PKHD1L1: variants seen among roughly 807,000 people sequenced by gnomAD.
PKHD1L1 encodes the protein fibrocystin-L.
PKHD1L1 carries 434 observed loss-of-function variants against 462.9 expected under a neutral mutation model. The ratio of observed to expected loss-of-function variants is 0.94; its 90% CI spans 0.87 to 1.02. The LOEUF is 1.02. Among genes scored for constraint, PKHD1L1 ranks in the 50% least tolerant of loss-of-function variants. PKHD1L1 has a pLI of 0.00. For missense variants in PKHD1L1, 5,202 were observed against 5,096.1 expected (o/e 1.02, Z -0.63); for synonymous variants, 1,781 against 1,750.0 (o/e 1.02, Z -0.44).
At chr8:109,469,157 G>C (rs976735220) in intron 50 of PKHD1L1, among the ~76,000 whole-genome samples, 1 of 152,002 alleles carries the variant, frequency 6.6e-6, no homozygotes, top group Non-Finnish European at 1.5e-5. Flanking sequence ...TTTAGATTCC[G>C]TTATTCTTAC....
intron 70 of PKHD1L1, among the ~76,000 whole-genome samples, chr8:109,509,722 G>T (rs932814833): frequency 6.6e-6 from 1 of 151,784 alleles, no homozygotes; most frequent in African/African-American, 2.4e-5. Flanking sequence ...AACCCACAAA[G>T]AAAGTATATT....
Position 109,535,336 on chromosome 8 carries a change from A to G in PKHD1L1, c.*5246A>G, listed in dbSNP as rs1416737867. The stretch of plus-strand genomic sequence containing the variant: ...ATGATCCTTTATATATGTAAACGCT[A>G]TAAATTCTTAGGAAGAAAATAAATT... On this transcript the variant is annotated 3_prime_UTR_variant, in exon 78 of 78. Coordinates refer to ENST00000378402, the MANE Select transcript of PKHD1L1 (RefSeq NM_177531.6). 2.0e-5 allele frequency among the ~76,000 whole-genome samples: 3 copies of G among 152,344 alleles called. No individual in the cohort carries two copies. Among genetic ancestry groups the G allele is most frequent in the Non-Finnish European group, 2.9e-5 (2 of 68,032 alleles).
intron 1 of PKHD1L1, 63 bp downstream of exon 1, chr8:109,362,716 C>T: frequency 1.3e-6 from 2 of 1,516,278 alleles, no homozygotes; most frequent in Non-Finnish European, 9.0e-7. Flanking sequence ...TACCCCTGCT[C>T]CCGGGGTCCT....
intron 71 of PKHD1L1, among the ~76,000 whole-genome samples, chr8:109,511,358 C>T (rs1278029360): frequency 8.7e-6 from 1 of 114,632 alleles, no homozygotes; most frequent in South Asian, 3.7e-4. Context: ...CCCCACCCCA[C>T]AACAGTCCCC....
Position 109,536,840 on chromosome 8 carries a change from T to C in PKHD1L1, c.*6750T>C, listed in dbSNP as rs897014370. On this transcript the variant is annotated 3_prime_UTR_variant, in exon 78 of 78. Coordinates refer to ENST00000378402, the MANE Select transcript of PKHD1L1 (RefSeq NM_177531.6). ...AGGAAAAATTTATTTAAATGCTTCA[T>C]AGAAAGTTAATTTTCATTTAATAGA... Among the ~76,000 whole-genome samples, 7 of 152,224 alleles carry C rather than the reference T, an allele frequency of 4.6e-5. No homozygotes were observed. The highest frequency in any genetic ancestry group is 4.6e-4 in the Admixed American group (7 of 15,284).
chr8:109,520,887 T>C (rs1158810009), intron 73 of PKHD1L1, among the ~76,000 whole-genome samples: 3 of 152,160 alleles, frequency 2.0e-5, no homozygotes, highest in Non-Finnish European at 2.9e-5. Context: ...CGAGAACCTG[T>C]TAACAGTGCA....
intron 72 of PKHD1L1, among the ~76,000 whole-genome samples, 172 bp downstream of exon 72, chr8:109,515,477 C>A (rs747648428): frequency 6.6e-6 from 1 of 152,110 alleles, no homozygotes; most frequent in Non-Finnish European, 1.5e-5. Flanking sequence ...ACATGAGTGT[C>A]TTGAAAGATC....
intron 51 of PKHD1L1, among the ~76,000 whole-genome samples, chr8:109,475,928 A>C (rs1301162485): frequency 6.6e-6 from 1 of 151,688 alleles, no homozygotes; most frequent in Non-Finnish European, 1.5e-5. Flanking sequence ...TTATAAAAAA[A>C]GTAAAATATG....
rs1821148840 is a variant in PKHD1L1 at position 109,536,478 on chromosome 8, A to G, written c.*6388A>G. Reference sequence around the variant, plus strand: ...ATGTTGGTTGTATGAATTTCAATACATTTACTGTTAGAAATAACAAAAGGT... The same window carrying G: ...ATGTTGGTTGTATGAATTTCAATACGTTTACTGTTAGAAATAACAAAAGGT... On this transcript the variant is annotated 3_prime_UTR_variant, in exon 78 of 78. Transcript: ENST00000378402. 1.3e-5 allele frequency among the ~76,000 whole-genome samples: 2 copies of G among 152,210 alleles called. No individual in the cohort carries two copies. The highest frequency in any genetic ancestry group is 6.5e-5 in the Admixed American group (1 of 15,280).
chr8:109,413,585 G>T, intron 21 of PKHD1L1, 40 bp downstream of exon 21: 2 of 1,417,186 alleles, frequency 1.4e-6, no homozygotes, highest in South Asian at 1.7e-5. Context: ...ATTATACCAT[G>T]GTATATAAAC....
rs763045526 is a variant in PKHD1L1, at chr8:109,400,114, C to T, written c.1051C>T (p.Arg351Cys). The T allele has an allele frequency of 2.3e-5, 37 of 1,613,128 alleles. No homozygotes were observed. The East Asian group carries it at 3.6e-4, about 16-fold the overall frequency. ...GLKLEVWNNS[R>C]PIRLEEILEY... ...GAAGCTTGAGGTGTGGAATAATAGCCGTCCAATACGTTTGGAAGAGATACT... is the reference window on the plus strand; with the variant it reads ...GAAGCTTGAGGTGTGGAATAATAGCTGTCCAATACGTTTGGAAGAGATACT... The change falls in exon 13 of 78, where the codon CGT becomes TGT. Residue 351 changes from arginine to cysteine, a missense_variant. Transcript: ENST00000378402.
rs780809389 is a variant in PKHD1L1 at position 109,425,205 on chromosome 8, A to G, written c.2818A>G (p.Ile940Val). 48 of 1,606,462 alleles carry G rather than the reference A, an allele frequency of 3.0e-5. No individual in the cohort carries two copies. Among genetic ancestry groups the G allele is most frequent in the Admixed American group, 3.4e-5 (2 of 58,230 alleles). ...ASPPLSGSFD[I>V]QAYGHILKGL... The stretch of plus-strand genomic sequence containing the variant: ...TCCACCTCTAAGTGGCAGCTTTGAC[A>G]TTCAAGCTTATGGACATATTCTTAA... Residue 940 changes from isoleucine (I) to valine (V), a missense_variant, in exon 24 of 78, where the codon ATT (isoleucine) becomes GTT (valine). Coordinates refer to ENST00000378402, the MANE Select transcript of PKHD1L1 (RefSeq NM_177531.6).
intron 25 of PKHD1L1, among the ~76,000 whole-genome samples, chr8:109,428,212 AAAT>A (rs1208810337): frequency 6.6e-6 from 1 of 152,194 alleles, no homozygotes; most frequent in South Asian, 2.1e-4. Flanking sequence ...TATTCTACTG[AAAT>A]AATAAGATAA....
At chr8:109,426,777 C>T (rs924386047) in intron 24 of PKHD1L1, among the ~76,000 whole-genome samples, 2 of 152,108 alleles carry the variant, frequency 1.3e-5, no homozygotes, top group African/African-American at 2.4e-5. Flanking sequence ...CTCAGCCTCC[C>T]GAGTAGCTGG....
intron 11 of PKHD1L1, among the ~76,000 whole-genome samples, chr8:109,397,263 T>C (rs1487787150): frequency 6.6e-6 from 1 of 152,218 alleles, no homozygotes. Context: ...AATAATCTCT[T>C]GAAAACATGA....
In PKHD1L1 at chr8:109,483,033, T is replaced by TAA; in HGVS notation, c.9507_9508dup (p.Thr3170LysfsTer17). ...TTCATGGAATTCCACATTCAATATA[T>TAA]AAAACTAAGCTCTCAGAAACTGCAT... On this transcript the variant is annotated frameshift_variant, in exon 57 of 78. Coordinates refer to ENST00000378402, the MANE Select transcript of PKHD1L1 (RefSeq NM_177531.6). LOFTEE classifies it high-confidence loss of function. 6.2e-7 allele frequency: 1 copy of TAA among 1,600,260 alleles called. No individual in the cohort carries two copies. Among genetic ancestry groups the TAA allele is most frequent in the Non-Finnish European group, 8.5e-7 (1 of 1,173,422 alleles).
At chr8:109,427,799 G>A (rs1200785239) in intron 25 of PKHD1L1, among the ~76,000 whole-genome samples, 2 of 151,944 alleles carry the variant, frequency 1.3e-5, no homozygotes, top group Non-Finnish European at 2.9e-5. Context: ...GCTGAGGCAG[G>A]TGGATCACAG....
At chr8:109,395,199 A>G (rs1358970014) in intron 10 of PKHD1L1, among the ~76,000 whole-genome samples, 1 of 152,244 alleles carries the variant, frequency 6.6e-6, no homozygotes, top group Admixed American at 6.5e-5. Flanking sequence ...CTTGGAGACC[A>G]TTTAAGCTGT....
Position 109,435,258 on chromosome 8 carries a change from G to GA in PKHD1L1, c.3410dup (p.Asp1137GlufsTer11). ...TGCCCCCGTTGCTGTGTCCATGGCT[G>GA]ATGTTGGACTAGCACAGAATGTAGG... On this transcript the variant is annotated frameshift_variant, in exon 29 of 78. Coordinates refer to ENST00000378402, the MANE Select transcript of PKHD1L1 (RefSeq NM_177531.6). LOFTEE classifies it high-confidence loss of function. 6.2e-7 allele frequency: 1 copy of GA among 1,613,918 alleles called. No homozygotes were observed. The highest frequency in any genetic ancestry group is 8.5e-7 in the Non-Finnish European group (1 of 1,179,824).
Sources: allele counts gnomAD v4.1 joint callset (sites outside exome capture counted in the v4.1 genomes callset), GRCh38; gene constraint gnomAD v4.1.1; transcripts MANE v1.5; gene names NCBI Gene and HGNC (gene_info 2026-07-23, HGNC 2026-07-21).